Variants in TRAK1 observed in about 807,000 individuals in gnomAD.
TRAK1 encodes the protein trafficking kinesin protein 1.
In TRAK1, 33 loss-of-function variants were observed where a neutral mutation model predicts 92.1. That is an observed-to-expected ratio of 0.36 (90% CI 0.27 to 0.48). TRAK1 has a LOEUF of 0.48. Among genes scored for constraint, TRAK1 ranks in the 20% least tolerant of loss-of-function variants. TRAK1 has a pLI of 0.99. For missense variants in TRAK1, 1,123 were observed against 1,257.9 expected, an observed-to-expected ratio of 0.89 and a Z score of 1.62; for synonymous variants, 521 against 517.3, an observed-to-expected ratio of 1.01 and a Z score of -0.10.
At position 42,091,377 on chromosome 3, in the gene TRAK1, A is replaced by T. The variant is rs1365456476; in HGVS notation, c.-93A>T. ...AACTCAGAAAACTGCTGAGGAAGGCACGGGAGGGTGGCTGTGCGAGGTACT... is the reference window on the plus strand; with the variant it reads ...AACTCAGAAAACTGCTGAGGAAGGCTCGGGAGGGTGGCTGTGCGAGGTACT... On this transcript the variant is annotated 5_prime_UTR_variant, in exon 1 of 16. Coordinates refer to ENST00000327628, the MANE Select transcript of TRAK1 (RefSeq NM_001042646.3). 2 of 1,132,772 alleles carry T rather than the reference A, an allele frequency of 1.8e-6. No homozygotes were observed. The highest frequency in any genetic ancestry group is 3.1e-5 in the African/African-American group (2 of 63,910). The allele number at this position is 1,132,772 out of a possible 1,614,324, so 70.2% of individuals were successfully genotyped here.
chr3:42,204,148 T>C lies in TRAK1; in HGVS notation c.1744+1396T>C, dbSNP rs1300145673. On this transcript the variant is annotated intron_variant, in intron 13 of 15. Transcript: ENST00000327628. ...TTGGTGATTGTTTTCTGATCCACAT[T>C]GTGTGTGTTCTTCAATAAAATCTTT... The C allele has an allele frequency of 1.0e-5, 10 of 985,736 alleles. No individual in the cohort carries two copies. In the Admixed American group the frequency reaches 6.1e-4, roughly 61 times the overall value. The allele number at this position is 985,736 out of a possible 1,614,324, so 61.1% of individuals were successfully genotyped here.
intron 1 of TRAK1, among the ~76,000 whole-genome samples, chr3:42,078,805 G>A (rs979679011): frequency 4.6e-5 from 7 of 151,454 alleles, no homozygotes; most frequent in Non-Finnish European, 8.8e-5. Context: ...TGAGGCAGAA[G>A]GGGAAGTCAT....
At chr3:42,016,002 A>G (rs1012974634) in intron 1 of TRAK1, among the ~76,000 whole-genome samples, 1 of 152,194 alleles carries the variant, frequency 6.6e-6, no homozygotes, top group Non-Finnish European at 1.5e-5. Flanking sequence ...CCGCCACTGC[A>G]CTTCAGCCAG....
chr3:42,180,068 A>T (rs1305991928), intron 3 of TRAK1, among the ~76,000 whole-genome samples: 1 of 152,110 alleles, frequency 6.6e-6, no homozygotes, highest in African/African-American at 2.4e-5. Context: ...AGTAAACATT[A>T]ATCATATTTT....
At chr3:42,110,104 A>G (rs925930952) in intron 1 of TRAK1, among the ~76,000 whole-genome samples, 5 of 85,482 alleles carry the variant, frequency 5.8e-5, no homozygotes, top group African/African-American at 1.6e-4. Flanking sequence ...GTATATATAT[A>G]TATATATATA....
At chr3:42,217,047 A>G (rs2149533079) in intron 14 of TRAK1, among the ~76,000 whole-genome samples, 1 of 148,216 alleles carries the variant, frequency 6.7e-6, no homozygotes, top group African/African-American at 2.5e-5. Context: ...CCCTCACCCA[A>G]CCCCCCTATT....
At position 42,148,023 on chromosome 3, in the gene TRAK1, A is replaced by AACAC. The variant is rs146659030; in HGVS notation, c.286+22430_286+22433dup. On this transcript the variant is annotated intron_variant, in intron 2 of 15. Coordinates refer to ENST00000327628, the MANE Select transcript of TRAK1 (RefSeq NM_001042646.3). Reference sequence around the variant, plus strand: ...AGAAGCAGACATACACATACATAGAAACACACACACACACACACACACACT... The same window carrying AACAC: ...AGAAGCAGACATACACATACATAGAAACACACACACACACACACACACACACACT... Among the ~76,000 whole-genome samples the AACAC allele has an allele frequency of 5.8e-3, 870 of 150,192 alleles. 6 individuals are homozygous for AACAC. Among genetic ancestry groups the AACAC allele is most frequent in the East Asian group, 0.03 (153 of 5,080 alleles).
intron 2 of TRAK1, among the ~76,000 whole-genome samples, chr3:42,151,745 A>G (rs2149262531): frequency 6.6e-6 from 1 of 152,342 alleles, no homozygotes; most frequent in East Asian, 1.9e-4. Flanking sequence ...CTTCAGGCAG[A>G]TTAGTCTGGA....
intron 1 of TRAK1, among the ~76,000 whole-genome samples, chr3:42,099,420 C>T (rs1458440694): frequency 6.6e-6 from 1 of 152,172 alleles, no homozygotes; most frequent in Non-Finnish European, 1.5e-5. Context: ...TGCGGCAGCT[C>T]AGAGCAAGAC....
In TRAK1 at chr3:42,135,338, A is replaced by G. The variant is rs1280134573; in HGVS notation, c.286+9724A>G. 3.9e-4 allele frequency among the ~76,000 whole-genome samples: 60 copies of G among 152,172 alleles called. 1 individual carries two copies. Among genetic ancestry groups the G allele is most frequent in the Non-Finnish European group, 2.9e-5 (2 of 68,044 alleles). ...GTGCTGCTGCTGTCTCTGTATTTCC[A>G]GGTACTCCTTGTTGACCTCTAGCCA... On this transcript the variant is annotated intron_variant, in intron 2 of 15. Coordinates refer to ENST00000327628, the MANE Select transcript of TRAK1 (RefSeq NM_001042646.3).
At chr3:42,210,933 TCA>T in intron 14 of TRAK1, 1 of 985,396 alleles carries the variant, frequency 1.0e-6, no homozygotes, top group African/African-American at 1.7e-5. Context: ...AGCTTTGTGC[TCA>T]GAGCTCTGGG....
At chr3:42,029,840 C>T (rs561363013) in intron 1 of TRAK1, among the ~76,000 whole-genome samples, 4 of 152,254 alleles carry the variant, frequency 2.6e-5, no homozygotes, top group Admixed American at 6.5e-5. Context: ...TACGCCACTG[C>T]GACTGGCCCT....
chr3:42,158,506 T>G (rs1700823624), intron 2 of TRAK1, among the ~76,000 whole-genome samples: 1 of 152,174 alleles, frequency 6.6e-6, no homozygotes, highest in African/African-American at 2.4e-5. Context: ...TTGAGTGTGT[T>G]TATATTTAAA....
chr3:42,161,824 G>GGGGGA (rs1701308462), intron 2 of TRAK1, among the ~76,000 whole-genome samples: 1 of 152,174 alleles, frequency 6.6e-6, no homozygotes, highest in African/African-American at 2.4e-5. Flanking sequence ...TGAAGGAGAT[G>GGGGGA]GGGGAGGGGA....
intron 1 of TRAK1, among the ~76,000 whole-genome samples, chr3:42,120,946 C>T (rs1709770133): frequency 6.6e-6 from 1 of 152,198 alleles, no homozygotes; most frequent in Non-Finnish European, 1.5e-5. Context: ...AGTCTTCCAC[C>T]TGTTTAGAAC....
intron 1 of TRAK1, among the ~76,000 whole-genome samples, chr3:42,105,497 C>T (rs892339949): frequency 1.3e-5 from 2 of 152,146 alleles, no homozygotes; most frequent in African/African-American, 4.8e-5. Flanking sequence ...CGAACAAAGC[C>T]TCCAAGAAAT....
chr3:42,165,136 A>T (rs946253530), intron 2 of TRAK1, among the ~76,000 whole-genome samples: 1 of 152,172 alleles, frequency 6.6e-6, no homozygotes, highest in Non-Finnish European at 1.5e-5. Flanking sequence ...TTGGATAGAG[A>T]TGCACAATGG....
intron 1 of TRAK1, among the ~76,000 whole-genome samples, chr3:42,063,765 T>C (rs1703554301): frequency 6.6e-6 from 1 of 152,062 alleles, no homozygotes; most frequent in African/African-American, 2.4e-5. Context: ...TGCCTTATTG[T>C]CTGCTCTCTG....
At chr3:42,187,120 C>T (rs1704999077) in intron 4 of TRAK1, among the ~76,000 whole-genome samples, 1 of 152,124 alleles carries the variant, frequency 6.6e-6, no homozygotes, top group Admixed American at 6.5e-5. Context: ...TGTAGCCATT[C>T]CCTGATGGTT....
Sources: allele counts gnomAD v4.1 joint callset (sites outside exome capture counted in the v4.1 genomes callset), GRCh38; gene constraint gnomAD v4.1.1; transcripts MANE v1.5; gene names NCBI Gene and HGNC (gene_info 2026-07-23, HGNC 2026-07-21).